The following SH3KBP1 variants were observed in gnomAD, a reference collection of about 807,000 sequenced individuals.
SH3KBP1 encodes SH3 domain-containing kinase-binding protein 1.
Under a neutral mutation model 50.1 loss-of-function variants are expected in SH3KBP1, and 8 were observed. That is an observed-to-expected ratio of 0.16 (90% CI 0.09 to 0.29). The LOEUF is 0.29. Ranked by LOEUF, SH3KBP1 falls within the 10% of genes least tolerant of loss-of-function variation. The pLI, the probability that SH3KBP1 is intolerant of heterozygous loss-of-function variation, is 1.00. For synonymous variants in SH3KBP1, 227 were observed against 218.6 expected, an observed-to-expected ratio of 1.04 and a Z score of -0.34; for missense variants, 377 against 535.2, an observed-to-expected ratio of 0.70 and a Z score of 2.92.
intron 5 of SH3KBP1, among the ~76,000 whole-genome samples, chrX:19,692,582 CAT>C (rs1235411653): frequency 4.7e-5 from 5 of 106,613 alleles, no homozygotes; most frequent in African/African-American, 6.9e-5. Context: ...TATACACACA[CAT>C]ATATATACAC....
At chrX:19,711,268 T>C (rs1378325289) in intron 3 of SH3KBP1, among the ~76,000 whole-genome samples, 1 of 111,594 alleles carries the variant, frequency 9.0e-6, no homozygotes, top group Non-Finnish European at 1.9e-5. Flanking sequence ...AGCTTTTCCT[T>C]ACAGCTGCTG....
intron 2 of SH3KBP1, among the ~76,000 whole-genome samples, chrX:19,820,130 TGGTTTAACTTGG>T (rs2067483423): frequency 1.8e-5 from 2 of 111,974 alleles, no homozygotes; most frequent in South Asian, 7.4e-4. Context: ...ACCCAGGATA[TGGTTTAACTTGG>T]CAGATATTTC....
intron 13 of SH3KBP1, among the ~76,000 whole-genome samples, chrX:19,562,095 C>G (rs1196340589): frequency 9.0e-6 from 1 of 111,226 alleles, no homozygotes; most frequent in African/African-American, 3.3e-5. Context: ...CTAACCTTGG[C>G]CAAGGTTTCC....
chrX:19,705,510 A>G (rs1482000691), intron 4 of SH3KBP1, among the ~76,000 whole-genome samples: 1 of 111,409 alleles, frequency 9.0e-6, no homozygotes, highest in African/African-American at 3.3e-5. Flanking sequence ...CTTTCAATAA[A>G]TGTCTCCTAT....
At chrX:19,588,255 G>C in intron 12 of SH3KBP1, 1 of 854,461 alleles carries the variant, frequency 1.2e-6, no homozygotes. Context: ...AGCCACACAT[G>C]AGATATACAT....
At chrX:19,549,853 C>T in intron 14 of SH3KBP1, 121 bp downstream of exon 14, 1 of 492,562 alleles carries the variant, frequency 2.0e-6, no homozygotes, top group Non-Finnish European at 3.5e-6. Flanking sequence ...TCATGGCCTC[C>T]CTCTCCCAGG....
intron 5 of SH3KBP1, among the ~76,000 whole-genome samples, chrX:19,695,300 T>G (rs1385123808): frequency 2.7e-5 from 3 of 111,536 alleles, no homozygotes; most frequent in African/African-American, 9.8e-5. Flanking sequence ...TTTAAATAAT[T>G]ATGAACTTAC....
chrX:19,838,098 C>CAAA (rs772561307), intron 1 of SH3KBP1, among the ~76,000 whole-genome samples: 10,412 of 106,376 alleles, frequency 0.098, 1,458 homozygotes, highest in African/African-American at 0.36. Flanking sequence ...ACAACAACAA[C>CAAA]AAACCAACTT....
chrX:19,599,046 T>C (rs949683318), intron 9 of SH3KBP1, among the ~76,000 whole-genome samples: 6 of 111,598 alleles, frequency 5.4e-5, no homozygotes, highest in Non-Finnish European at 9.4e-5. Context: ...GAAGTATGCC[T>C]GTCATTCCTT....
intron 12 of SH3KBP1, among the ~76,000 whole-genome samples, chrX:19,587,737 G>A (rs982935035): frequency 1.7e-4 from 19 of 111,558 alleles, no homozygotes; most frequent in Non-Finnish European, 3.4e-4. Flanking sequence ...TGAGATTCCA[G>A]CCCTGAGGTC....
intron 14 of SH3KBP1, among the ~76,000 whole-genome samples, chrX:19,549,242 T>C (rs969282902): frequency 1.2e-4 from 12 of 102,901 alleles, no homozygotes; most frequent in Admixed American, 5.1e-4. Context: ...TAATTTTATA[T>C]ATACAAATAA....
intron 2 of SH3KBP1, among the ~76,000 whole-genome samples, chrX:19,788,979 C>T (rs1344193632): frequency 2.7e-5 from 3 of 111,304 alleles, no homozygotes; most frequent in Admixed American, 9.5e-5. Flanking sequence ...CAAAAATTAG[C>T]CGGGCATGGT....
intron 12 of SH3KBP1, among the ~76,000 whole-genome samples, chrX:19,584,269 T>TTA (rs71845740): frequency 6.6e-5 from 6 of 91,583 alleles, no homozygotes; most frequent in Non-Finnish European, 8.2e-5. Flanking sequence ...AAATACATAT[T>TTA]TATATATATA....
chrX:19,726,264 T>C (rs928902095), intron 3 of SH3KBP1, among the ~76,000 whole-genome samples: 1 of 111,409 alleles, frequency 9.0e-6, no homozygotes, highest in Non-Finnish European at 1.9e-5. Context: ...GAGGAAGGCG[T>C]CTGACAGACC....
intron 2 of SH3KBP1, among the ~76,000 whole-genome samples, chrX:19,828,030 G>T (rs192286646): frequency 9.1e-6 from 1 of 110,019 alleles, no homozygotes; most frequent in African/African-American, 3.3e-5. Flanking sequence ...CGCCAGGAGG[G>T]TCACCTGACT....
At chrX:19,812,994 T>A (rs1603259552) in intron 2 of SH3KBP1, among the ~76,000 whole-genome samples, 1 of 105,518 alleles carries the variant, frequency 9.5e-6, no homozygotes, top group African/African-American at 3.5e-5. Context: ...CAACAAAAAA[T>A]TAGCTAGATG....
chrX:19,543,832 G>A lies in SH3KBP1; in HGVS notation c.1624-1639C>T, dbSNP rs2065010210. Reference sequence around the variant, plus strand: ...AGGGCCGAGGAAGAAGGACAGTCATGGGCGAGAGAGAAGAGGGGTGCCCAG... The same window carrying A: ...AGGGCCGAGGAAGAAGGACAGTCATAGGCGAGAGAGAAGAGGGGTGCCCAG... On this transcript the variant is annotated intron_variant, in intron 15 of 17. Coordinates refer to ENST00000397821, the MANE Select transcript of SH3KBP1 (RefSeq NM_031892.3). Among the ~76,000 whole-genome samples the A allele has an allele frequency of 3.6e-5, 4 of 111,432 alleles. No homozygotes were observed. The Admixed American group carries it at 3.8e-4, about 11-fold the overall frequency.
At chrX:19,671,140 G>T in intron 6 of SH3KBP1, 1 of 481,248 alleles carries the variant, frequency 2.1e-6, no homozygotes, top group Non-Finnish European at 3.1e-6. Context: ...GGGGCCCCCA[G>T]GTGTGACCAT....
chrX:19,542,204 G>A lies in SH3KBP1; in HGVS notation c.1624-11C>T. ...TTTGTTGTCAGACACCTGTGACGAG[G>A]GAAGGCAGGGAGGGTTCAGGGCCGG... On this transcript the variant is annotated splice_polypyrimidine_tract_variant and intron_variant, in intron 15 of 17. Transcript: ENST00000397821. The A allele has an allele frequency of 1.7e-6, 2 of 1,162,658 alleles. No homozygotes were observed. The highest frequency in any genetic ancestry group is 2.3e-6 in the Non-Finnish European group (2 of 871,960).
Sources: gnomAD v4.1 joint callset for allele counts (sites outside exome capture counted in the v4.1 genomes callset) on GRCh38, gnomAD v4.1.1 for gene constraint, MANE v1.5 for transcripts, NCBI Gene and HGNC (gene_info 2026-07-23, HGNC 2026-07-21) for gene names.